The following ALDH1L2 variants were observed in gnomAD, a reference collection of about 807,000 sequenced individuals.
ALDH1L2 encodes mitochondrial 10-formyltetrahydrofolate dehydrogenase.
A neutral mutation model predicts 111.0 loss-of-function variants in ALDH1L2; 91 were observed. The observed-to-expected ratio is 0.82, with a 90% CI of 0.69 to 0.98. ALDH1L2 has a LOEUF of 0.98. ALDH1L2 is among the 50% of genes least tolerant of loss of function. The pLI is 0.00. For missense variants in ALDH1L2, 995 were observed against 1,126.8 expected (o/e 0.88, Z 1.67); for synonymous variants, 374 against 392.6 (o/e 0.95, Z 0.56).
chr12:105,043,247 C>G (rs1875645921), intron 15 of ALDH1L2, among the ~76,000 whole-genome samples: 1 of 152,136 alleles, frequency 6.6e-6, no homozygotes, highest in Non-Finnish European at 1.5e-5. Flanking sequence ...GTTTACAGGC[C>G]TGATTACATG....
intron 1 of ALDH1L2, among the ~76,000 whole-genome samples, chr12:105,083,682 G>A (rs1397964607): frequency 6.6e-6 from 1 of 151,714 alleles, no homozygotes; most frequent in Non-Finnish European, 1.5e-5. Flanking sequence ...GGTGCTGAAG[G>A]CAGCACCGCA....
chr12:105,066,429 T>C, intron 5 of ALDH1L2, 139 bp downstream of exon 5: 9 of 692,368 alleles, frequency 1.3e-5, no homozygotes, highest in South Asian at 9.3e-5. Flanking sequence ...CCTGCGTATG[T>C]CTGGCTACCT....
chr12:105,052,958 A>G (rs187475368), intron 10 of ALDH1L2, 27 bp from the exon 11 acceptor site: 24 of 1,610,708 alleles, frequency 1.5e-5, no homozygotes, highest in South Asian at 3.3e-5. Context: ...AATAGATTCA[A>G]TGGATTTCCG....
At chr12:105,056,186 A>C (rs1405678431) in intron 10 of ALDH1L2, among the ~76,000 whole-genome samples, 3 of 152,166 alleles carry the variant, frequency 2.0e-5, no homozygotes, top group Non-Finnish European at 4.4e-5. Context: ...CTCATCATAC[A>C]AAAGAGTCCT....
At chr12:105,057,736 A>G (rs1592790446) in intron 10 of ALDH1L2, among the ~76,000 whole-genome samples, 4 of 152,246 alleles carry the variant, frequency 2.6e-5, no homozygotes, top group Admixed American at 2.0e-4. Flanking sequence ...AGCATTTTCT[A>G]GGAACTATCA....
intron 15 of ALDH1L2, among the ~76,000 whole-genome samples, chr12:105,045,886 A>C (rs1691074521): frequency 6.6e-6 from 1 of 152,082 alleles, no homozygotes; most frequent in Non-Finnish European, 1.5e-5. Flanking sequence ...CCTACTACCT[A>C]GTAAAGTTAC....
chr12:105,046,100 T>G (rs1371866257), intron 15 of ALDH1L2, among the ~76,000 whole-genome samples: 2 of 147,950 alleles, frequency 1.4e-5, no homozygotes, highest in Admixed American at 6.7e-5. Flanking sequence ...GGATATATTT[T>G]TATAATTACA....
intron 1 of ALDH1L2, among the ~76,000 whole-genome samples, chr12:105,083,847 T>C (rs898727782): frequency 6.6e-6 from 1 of 152,204 alleles, no homozygotes; most frequent in African/African-American, 2.4e-5. Context: ...TTTTGCCATC[T>C]GCAGCTCAGC....
intron 1 of ALDH1L2, among the ~76,000 whole-genome samples, chr12:105,081,304 C>T (rs1170826340): frequency 6.6e-6 from 1 of 152,162 alleles, no homozygotes; most frequent in Non-Finnish European, 1.5e-5. Flanking sequence ...CAATTAAATA[C>T]AGTTTAAAGC....
At chr12:105,050,093 T>A in intron 12 of ALDH1L2, 35 bp from the exon 13 acceptor site, 1 of 1,532,060 alleles carries the variant, frequency 6.5e-7, no homozygotes, top group Non-Finnish European at 8.8e-7. Context: ...ATTCAACAAG[T>A]ATTGATTGAG....
intron 18 of ALDH1L2, among the ~76,000 whole-genome samples, chr12:105,035,491 A>T (rs749018877): frequency 3.4e-5 from 5 of 147,390 alleles, no homozygotes; most frequent in Admixed American, 1.4e-4. Flanking sequence ...GGCTAATTTT[A>T]TTTTTTTGTA....
chr12:105,064,336 C>T (rs1285418517), intron 6 of ALDH1L2, among the ~76,000 whole-genome samples: 1 of 151,742 alleles, frequency 6.6e-6, no homozygotes, highest in Non-Finnish European at 1.5e-5. Context: ...TATTATTAGT[C>T]CCATTTTACA....
At chr12:105,058,320 A>G in intron 9 of ALDH1L2, 100 bp from the exon 10 acceptor site, 3 of 1,193,588 alleles carry the variant, frequency 2.5e-6, no homozygotes, top group Non-Finnish European at 3.4e-6. Context: ...TAAGACTTAC[A>G]TCACATGCCT....
At chr12:105,030,013 GA>G (rs1874616303) in intron 21 of ALDH1L2, 1 of 179,594 alleles carries the variant, frequency 5.6e-6, no homozygotes, top group Admixed American at 6.2e-5. Context: ...ATTTAAATGT[GA>G]AAACCAGTTT....
chr12:105,083,601 C>T (rs995505592), intron 1 of ALDH1L2, among the ~76,000 whole-genome samples: 1 of 151,812 alleles, frequency 6.6e-6, no homozygotes, highest in Admixed American at 6.6e-5. Flanking sequence ...ATAAAAGATA[C>T]GATACATAAG....
chr12:105,038,067 C>T, intron 18 of ALDH1L2, 36 bp downstream of exon 18: 2 of 1,579,850 alleles, frequency 1.3e-6, no homozygotes, highest in Non-Finnish European at 1.7e-6. Flanking sequence ...TCACCTGGCC[C>T]AGGCACCTAT....
chr12:105,031,480 A>G (rs10778362), intron 20 of ALDH1L2, among the ~76,000 whole-genome samples: 68,757 of 137,386 alleles, frequency 0.5, 16,066 homozygotes, highest in East Asian at 0.76. Flanking sequence ...TCTTTGTTTT[A>G]TTTTGTTTTG....
At chr12:105,054,407 C>T (rs183933229) in intron 10 of ALDH1L2, among the ~76,000 whole-genome samples, 62 of 152,312 alleles carry the variant, frequency 4.1e-4, no homozygotes, top group Admixed American at 3.5e-3. Flanking sequence ...TAGCCAAAGG[C>T]TTGCAATAAT....
chr12:105,062,911 G>A lies in ALDH1L2; in HGVS notation c.898C>T (p.Leu300Phe). The A allele has an allele frequency of 6.2e-7, 1 of 1,611,988 alleles. No homozygotes were observed. Among genetic ancestry groups the A allele is most frequent in the Non-Finnish European group, 8.5e-7 (1 of 1,179,516 alleles). Residue 300 changes from leucine (L) to phenylalanine (F), a missense_variant, in exon 7 of 23, where the codon CTT becomes TTT. Physicochemically the swap from Leu to Phe is conservative, Grantham distance 22. Transcript: ENST00000258494. ...ACTGCTTTTCCATCGTTACCAAAAA[G>A]AACAAGTCCATTTTTGGTAACGAGA... The part of the protein sequence containing the change: ...PGLVTKNGLV[L>F]FGNDGKALTV...
Sources: allele counts gnomAD v4.1 joint callset (sites outside exome capture counted in the v4.1 genomes callset), GRCh38; gene constraint gnomAD v4.1.1; transcripts MANE v1.5; gene names NCBI Gene and HGNC (gene_info 2026-07-23, HGNC 2026-07-21).